COL6A1: variants seen among roughly 807,000 people sequenced by gnomAD.
COL6A1 encodes collagen alpha-1(VI) chain.
In COL6A1, 80 loss-of-function variants were observed where a neutral mutation model predicts 145.6. That is an observed-to-expected ratio of 0.55 (90% CI 0.46 to 0.66). The LOEUF (loss-of-function observed/expected upper bound fraction) is 0.66. Ranked by LOEUF, COL6A1 falls within the 30% of genes least tolerant of loss-of-function variation. The pLI is 0.00. For synonymous variants in COL6A1, 638 were observed against 622.8 expected (o/e 1.02, Z -0.36); for missense variants, 1,364 against 1,473.8 (o/e 0.93, Z 1.22).
chr21:45,995,471 AC>A (rs1258642539), intron 20 of COL6A1, among the ~76,000 whole-genome samples: 3 of 152,082 alleles, frequency 2.0e-5, no homozygotes, highest in African/African-American at 7.2e-5. Context: ...GCTGCTCCAG[AC>A]CTTGGTAGCT....
rs532390333 is a variant in COL6A1, at chr21:45,997,542, C to T, written c.1461+59C>T. The T allele has an allele frequency of 5.7e-6, 9 of 1,580,980 alleles. No homozygotes were observed. The Admixed American group carries it at 1.3e-4, about 24-fold the overall frequency. Reference sequence around the variant, plus strand: ...CAGGGGGGCCTGAGGATCCAGAACCCACTGTCTGCCCAGTGCTGGCCCCGT... The same window carrying T: ...CAGGGGGGCCTGAGGATCCAGAACCTACTGTCTGCCCAGTGCTGGCCCCGT... On this transcript the variant is annotated intron_variant, in intron 21 of 34. Transcript: ENST00000361866.
In COL6A1 at chr21:45,981,842, G is replaced by A; in HGVS notation, c.-9G>A. 2 of 1,574,766 alleles carry A rather than the reference G, an allele frequency of 1.3e-6. No homozygotes were observed. Among genetic ancestry groups the A allele is most frequent in the Non-Finnish European group, 1.7e-6 (2 of 1,162,660 alleles). On this transcript the variant is annotated 5_prime_UTR_variant, in exon 1 of 35. Coordinates refer to ENST00000361866, the MANE Select transcript of COL6A1 (RefSeq NM_001848.3). ...TGGCCGCGCTGTGTGGTGACCGCAG[G>A]CCCCAGACATGAGGGCGGCCCGTGC...
At chr21:45,985,318 A>G (rs2077733229) in intron 3 of COL6A1, among the ~76,000 whole-genome samples, 1 of 152,022 alleles carries the variant, frequency 6.6e-6, no homozygotes, top group African/African-American at 2.4e-5. Flanking sequence ...GGAGACAGAG[A>G]GATAGAAGCA....
Position 45,981,874 on chromosome 21 carries a change from GCC to G in COL6A1, c.27_28del (p.Leu10AlafsTer12). The G allele has an allele frequency of 6.3e-7, 1 of 1,598,520 alleles. No homozygotes were observed. The highest frequency in any genetic ancestry group is 8.5e-7 in the Non-Finnish European group (1 of 1,174,666). Reference sequence around the variant, plus strand: ...ACATGAGGGCGGCCCGTGCTCTGCTGCCCCTGCTGCTGCAGGCCTGCTGGACA... The same window carrying G: ...ACATGAGGGCGGCCCGTGCTCTGCTGCCTGCTGCTGCAGGCCTGCTGGACA... The part of the protein sequence containing the change: MRAARALL[P>X]LLLQACWTAA... On this transcript the variant is annotated frameshift_variant, in exon 1 of 35. Coordinates refer to ENST00000361866, the MANE Select transcript of COL6A1 (RefSeq NM_001848.3). LOFTEE classifies it high-confidence loss of function.
intron 21 of COL6A1, 32 bp downstream of exon 21, chr21:45,997,515 C>T (rs770110426): frequency 8.5e-6 from 13 of 1,521,894 alleles, no homozygotes; most frequent in African/African-American, 1.8e-5. Flanking sequence ...CACCCGCCCA[C>T]CCAGGGGGGC....
chr21:45,998,303 G>T, intron 23 of COL6A1, 95 bp from the exon 24 acceptor site: 1 of 1,593,116 alleles, frequency 6.3e-7, no homozygotes, highest in South Asian at 1.1e-5. Flanking sequence ...TCCATGGCCG[G>T]GATTCTGTCA....
chr21:45,999,751 G>C, intron 27 of COL6A1, 59 bp downstream of exon 27: 1 of 1,550,910 alleles, frequency 6.4e-7, no homozygotes, highest in African/African-American at 1.4e-5. Flanking sequence ...ATCCCTTGGG[G>C]TGTGGGTCCT....
intron 2 of COL6A1, among the ~76,000 whole-genome samples, chr21:45,983,718 C>G (rs2077721659): frequency 2.0e-5 from 3 of 152,140 alleles, no homozygotes; most frequent in Admixed American, 1.3e-4. Context: ...CCAGCGTCCC[C>G]CGAGTCGCCC....
At chr21:46,003,094 C>T in intron 33 of COL6A1, 26 bp from the exon 34 acceptor site, 2 of 1,614,098 alleles carry the variant, frequency 1.2e-6, no homozygotes, top group Non-Finnish European at 8.5e-7. Flanking sequence ...AGTGGGCTCA[C>T]ACTGCACGGC....
chr21:45,984,379 T>C lies in COL6A1; in HGVS notation c.338T>C (p.Leu113Pro), dbSNP rs2077725343. ...CGCATGCCTGGCGGCCGCGACGCAC[T>C]CAAAAGCAGCGTGGACGCGGTCAAG... The part of the protein sequence containing the change: ...LTRMPGGRDA[L>P]KSSVDAVKYF... The change falls in exon 3 of 35, where the codon CTC becomes CCC. Residue 113 changes from leucine (L) to proline (P), a missense_variant. Leu to Pro is a moderately conservative substitution (Grantham distance 98). Coordinates refer to ENST00000361866, the MANE Select transcript of COL6A1 (RefSeq NM_001848.3). 6.2e-7 allele frequency: 1 copy of C among 1,612,610 alleles called. No homozygotes were observed. Among genetic ancestry groups the C allele is most frequent in the African/African-American group, 1.3e-5 (1 of 74,950 alleles).
intron 24 of COL6A1, 115 bp from the exon 25 acceptor site, chr21:45,998,782 G>A (rs576689971): frequency 1.6e-6 from 2 of 1,254,590 alleles, no homozygotes; most frequent in Non-Finnish European, 2.3e-6. Context: ...TGTGTGTGGT[G>A]GGGGAAGGGA....
chr21:45,982,140 C>G (rs1296228251), intron 1 of COL6A1, among the ~76,000 whole-genome samples, 193 bp downstream of exon 1: 1 of 152,106 alleles, frequency 6.6e-6, no homozygotes, highest in East Asian at 1.9e-4. Context: ...CCCCTAGAGG[C>G]TCAGCATTCA....
chr21:46,000,388 G>T (rs368424361), intron 28 of COL6A1, 21 bp downstream of exon 28: 6 of 1,613,566 alleles, frequency 3.7e-6, no homozygotes. Context: ...CTGAGAAGCC[G>T]TCCTCGTTAG....
In COL6A1 at chr21:46,000,332, A is replaced by T. The variant is rs780784134; in HGVS notation, c.1778A>T (p.Glu593Val). ...PGHQGPPGPDECEILDIIMKM... is the reference protein window; with the variant it reads ...PGHQGPPGPDVCEILDIIMKM... ...GTACCCTCGTCTCTCCCTCCCCAGG[A>T]ATGCGAGATTTTGGACATCATCATG... The change falls in exon 28 of 35, where the codon GAA (glutamate) becomes GTA (valine). Residue 593 changes from glutamate to valine, a missense_variant and splice_region_variant. Transcript: ENST00000361866. 2 of 1,613,960 alleles carry T rather than the reference A, an allele frequency of 1.2e-6. No individual in the cohort carries two copies. The highest frequency in any genetic ancestry group is 1.7e-6 in the Non-Finnish European group (2 of 1,179,908).
In COL6A1 at chr21:45,986,600, C is replaced by G. The variant is rs921797028; in HGVS notation, c.503C>G (p.Pro168Arg). The G allele has an allele frequency of 3.2e-6, 5 of 1,561,126 alleles. No individual in the cohort carries two copies. Among genetic ancestry groups the G allele is most frequent in the Non-Finnish European group, 4.3e-6 (5 of 1,152,736 alleles). ...CACCCCCTGGAGGGCTACAAGGAAC[C>G]CTGTGGGGGGCTGGAGGATGCTGTG... ...DGHPLEGYKE[P>R]CGGLEDAVNE... The change falls in exon 4 of 35, where the codon CCC becomes CGC. Residue 168 changes from proline (P) to arginine (R), a missense_variant. Pro to Arg is a moderately radical substitution (Grantham distance 103). Coordinates refer to ENST00000361866, the MANE Select transcript of COL6A1 (RefSeq NM_001848.3).
chr21:45,998,236 G>A, intron 23 of COL6A1, 65 bp downstream of exon 23: 6 of 1,592,288 alleles, frequency 3.8e-6, no homozygotes, highest in East Asian at 2.3e-5. Context: ...CTCTTTAGTG[G>A]ACTGGGCACT....
Position 45,997,805 on chromosome 21 carries a change from G to A in COL6A1, c.1524+43G>A, listed in dbSNP as rs142212607. On this transcript the variant is annotated intron_variant, in intron 22 of 34. Coordinates refer to ENST00000361866, the MANE Select transcript of COL6A1 (RefSeq NM_001848.3). ...CGGGCCCTAGGGCGGAGGCCTGGCCGCCAGAGGCCCTGGGAAGCCCCAGCC... is the reference window on the plus strand; with the variant it reads ...CGGGCCCTAGGGCGGAGGCCTGGCCACCAGAGGCCCTGGGAAGCCCCAGCC... The A allele has an allele frequency of 2.6e-4, 395 of 1,547,460 alleles. 2 individuals are homozygous for A. The highest frequency in any genetic ancestry group is 1.8e-3 in the Middle Eastern group (8 of 4,534).
chr21:46,002,356 GA>G lies in COL6A1; in HGVS notation c.2206del (p.Arg736GlyfsTer67). The G allele has an allele frequency of 6.3e-7, 1 of 1,593,464 alleles. No individual in the cohort carries two copies. Among genetic ancestry groups the G allele is most frequent in the Non-Finnish European group, 8.5e-7 (1 of 1,170,660 alleles). On this transcript the variant is annotated frameshift_variant, in exon 32 of 35. Coordinates refer to ENST00000361866, the MANE Select transcript of COL6A1 (RefSeq NM_001848.3). LOFTEE classifies it high-confidence loss of function. ...VITDGRSDTQ[R>X]DTTPLNVLCS... ...TCACTGACGGGCGCTCAGACACTCAGAGGGACACCACACCGCTCAACGTGCT... is the reference window on the plus strand; with the variant it reads ...TCACTGACGGGCGCTCAGACACTCAGGGGACACCACACCGCTCAACGTGCT...
At position 45,984,368 on chromosome 21, in the gene COL6A1, C is replaced by T. The variant is rs1173434591; in HGVS notation, c.327C>T (p.Gly109=). 1 of 1,612,554 alleles carries T rather than the reference C, an allele frequency of 6.2e-7. No individual in the cohort carries two copies. Among genetic ancestry groups the T allele is most frequent in the Non-Finnish European group, 8.5e-7 (1 of 1,179,906 alleles). The change falls in exon 3 of 35, where the codon GGC becomes GGT. Residue 109 remains glycine (G), a synonymous_variant. Transcript: ENST00000361866. ...AAGGCCTCACGCGCATGCCTGGCGG[C>T]CGCGACGCACTCAAAAGCAGCGTGG... ...IIQGLTRMPG[G]RDALKSSVDA...
Sources: allele counts gnomAD v4.1 joint callset (sites outside exome capture counted in the v4.1 genomes callset), GRCh38; gene constraint gnomAD v4.1.1; transcripts MANE v1.5; gene names NCBI Gene and HGNC (gene_info 2026-07-23, HGNC 2026-07-21).